Variants in GRXCR1 observed in about 807,000 individuals in gnomAD.
GRXCR1 encodes glutaredoxin domain-containing cysteine-rich protein 1.
In GRXCR1, 27 loss-of-function variants were observed where a neutral mutation model predicts 27.3. That is an observed-to-expected ratio of 0.99 (90% CI 0.73 to 1.37). The LOEUF is 1.37. GRXCR1 is among the 40% of genes most tolerant of loss of function. The pLI is 0.00. For missense variants in GRXCR1, 379 were observed against 354.4 expected (o/e 1.07, Z -0.56); for synonymous variants, 122 against 131.1 (o/e 0.93, Z 0.47).
rs1392856511 is a variant in GRXCR1 at position 42,951,930 on chromosome 4, T to C, written c.385-10962T>C. Among the ~76,000 whole-genome samples the C allele has an allele frequency of 2.6e-5, 4 of 152,320 alleles. No individual in the cohort carries two copies. The East Asian group carries it at 7.7e-4, about 29-fold the overall frequency. On this transcript the variant is annotated intron_variant, in intron 1 of 3. Transcript: ENST00000399770. Reference sequence around the variant, plus strand: ...TTGTCTTTGCAGTTAACGTCTAGGCTCATTCAGTAATTGATGTGGACAAAT... The same window carrying C: ...TTGTCTTTGCAGTTAACGTCTAGGCCCATTCAGTAATTGATGTGGACAAAT...
chr4:43,020,560 A>G (rs969936899), intron 3 of GRXCR1, 141 bp downstream of exon 3: 2 of 690,004 alleles, frequency 2.9e-6, no homozygotes, highest in African/African-American at 1.8e-5. Flanking sequence ...TTTTAATTTG[A>G]TATCTTCTGT....
intron 1 of GRXCR1, among the ~76,000 whole-genome samples, chr4:42,922,971 T>C (rs66498327): frequency 0.13 from 19,091 of 152,172 alleles, 1,452 homozygotes; most frequent in Non-Finnish European, 0.17. Context: ...TCTCCACTTC[T>C]GTTTTCCTTG....
At chr4:43,019,957 G>C (rs930122826) in intron 2 of GRXCR1, among the ~76,000 whole-genome samples, 1 of 152,170 alleles carries the variant, frequency 6.6e-6, no homozygotes, top group Non-Finnish European at 1.5e-5. Context: ...GCCATGTCTA[G>C]TACTGCTTGG....
intron 2 of GRXCR1, among the ~76,000 whole-genome samples, chr4:42,971,125 A>C (rs1417323753): frequency 6.6e-6 from 1 of 152,108 alleles, no homozygotes; most frequent in African/African-American, 2.4e-5. Flanking sequence ...TCCAGTTCCC[A>C]AAAAATTCCT....
At chr4:42,958,697 C>T (rs977093237) in intron 1 of GRXCR1, among the ~76,000 whole-genome samples, 1 of 151,864 alleles carries the variant, frequency 6.6e-6, no homozygotes, top group African/African-American at 2.4e-5. Context: ...TATTTAGGAA[C>T]ACAAATAACT....
At chr4:42,936,147 CTT>C (rs374911716) in intron 1 of GRXCR1, among the ~76,000 whole-genome samples, 5 of 151,790 alleles carry the variant, frequency 3.3e-5, no homozygotes, top group African/African-American at 7.3e-5. Context: ...TTTGGAGTGA[CTT>C]TGTTTCTTTG....
rs1217008804 is a variant in GRXCR1, at chr4:42,893,387, T to C, written c.121T>C (p.Ser41Pro). Residue 41 changes from serine to proline, a missense_variant, in exon 1 of 4, where the codon TCT (serine) becomes CCT (proline). Ser to Pro is a moderately conservative substitution (Grantham distance 74). Transcript: ENST00000399770. ...GTATGAAGATGGGCAACCGTCAGGC[T>C]CTCTGGATTCTGAATGTGCCAGTAT... ...EVYEDGQPSGSLDSECASICG... is the reference protein window; with the variant it reads ...EVYEDGQPSGPLDSECASICG... 1 of 1,613,718 alleles carries C rather than the reference T, an allele frequency of 6.2e-7. No individual in the cohort carries two copies. Among genetic ancestry groups the C allele is most frequent in the African/African-American group, 1.3e-5 (1 of 74,880 alleles).
intron 1 of GRXCR1, among the ~76,000 whole-genome samples, chr4:42,912,893 T>A (rs73240015): frequency 6.6e-6 from 1 of 151,874 alleles, no homozygotes; most frequent in African/African-American, 2.4e-5. Flanking sequence ...CAGTTTCCCC[T>A]CTAGTGTCTC....
At chr4:42,925,179 G>A (rs1055325506) in intron 1 of GRXCR1, among the ~76,000 whole-genome samples, 1 of 151,960 alleles carries the variant, frequency 6.6e-6, no homozygotes, top group African/African-American at 2.4e-5. Flanking sequence ...TGATTCTTGG[G>A]TGTAAAGGTT....
intron 2 of GRXCR1, among the ~76,000 whole-genome samples, chr4:43,014,337 C>T (rs974014365): frequency 1.3e-5 from 2 of 152,048 alleles, no homozygotes; most frequent in African/African-American, 4.8e-5. Flanking sequence ...TCAGGTGGCC[C>T]ATCTCCAAGC....
chr4:42,909,186 G>A lies in GRXCR1; in HGVS notation c.384+15536G>A, dbSNP rs537687022. ...AACCCTCATTCCTTAAGTTATTGCTGCAGGTGCATCTGCCATACAGGGTAA... is the reference window on the plus strand; with the variant it reads ...AACCCTCATTCCTTAAGTTATTGCTACAGGTGCATCTGCCATACAGGGTAA... On this transcript the variant is annotated intron_variant, in intron 1 of 3. Transcript: ENST00000399770. 7.9e-5 allele frequency among the ~76,000 whole-genome samples: 12 copies of A among 152,274 alleles called. No homozygotes were observed. In the South Asian group the frequency reaches 2.5e-3, roughly 32 times the overall value.
At chr4:42,984,134 C>G (rs1008952326) in intron 2 of GRXCR1, among the ~76,000 whole-genome samples, 2 of 152,186 alleles carry the variant, frequency 1.3e-5, no homozygotes, top group Non-Finnish European at 2.9e-5. Context: ...CCATGCCCAG[C>G]CCACAGATAC....
In GRXCR1 at chr4:42,922,244, T is replaced by A. The variant is rs891332319; in HGVS notation, c.384+28594T>A. ...GTTAGCATGGTGGCATGGGATACAC[T>A]GTCACTGCCCCTGCCTCCTGGTCTG... On this transcript the variant is annotated intron_variant, in intron 1 of 3. Coordinates refer to ENST00000399770, the MANE Select transcript of GRXCR1 (RefSeq NM_001080476.3). Among the ~76,000 whole-genome samples, 3 of 152,270 alleles carry A rather than the reference T, an allele frequency of 2.0e-5. No individual in the cohort carries two copies. The South Asian group carries it at 6.2e-4, about 32-fold the overall frequency.
intron 2 of GRXCR1, among the ~76,000 whole-genome samples, chr4:42,984,026 G>T (rs1353436857): frequency 1.3e-5 from 2 of 151,634 alleles, no homozygotes; most frequent in Non-Finnish European, 1.5e-5. Flanking sequence ...AGTAGAGATG[G>T]GTTTTTGCCA....
intron 1 of GRXCR1, among the ~76,000 whole-genome samples, chr4:42,901,256 A>G (rs1746454277): frequency 6.6e-6 from 1 of 152,224 alleles, no homozygotes; most frequent in Non-Finnish European, 1.5e-5. Flanking sequence ...GAAACAAATC[A>G]AATCACTACA....
chr4:42,984,937 G>A (rs899486995), intron 2 of GRXCR1, among the ~76,000 whole-genome samples: 1 of 152,152 alleles, frequency 6.6e-6, no homozygotes, highest in Non-Finnish European at 1.5e-5. Context: ...GCTGAGGGAG[G>A]CTACCTGATT....
intron 2 of GRXCR1, among the ~76,000 whole-genome samples, chr4:42,985,692 T>A (rs1033893677): frequency 6.6e-6 from 1 of 151,978 alleles, no homozygotes; most frequent in African/African-American, 2.4e-5. Flanking sequence ...TTTTTTAGAG[T>A]GCGATTAAAA....
intron 2 of GRXCR1, among the ~76,000 whole-genome samples, chr4:42,977,981 A>G (rs1748563483): frequency 1.3e-5 from 2 of 151,996 alleles, no homozygotes; most frequent in African/African-American, 4.8e-5. Context: ...ATTTTTGTAT[A>G]TGGTGTATGA....
At chr4:43,026,433 T>C (rs912518899) in intron 3 of GRXCR1, among the ~76,000 whole-genome samples, 5 of 147,028 alleles carry the variant, frequency 3.4e-5, no homozygotes, top group African/African-American at 1.4e-4. Flanking sequence ...TCCTGGGTGC[T>C]GAGGGGGCAC....
Sources: allele counts gnomAD v4.1 joint callset (sites outside exome capture counted in the v4.1 genomes callset), GRCh38; gene constraint gnomAD v4.1.1; transcripts MANE v1.5; gene names NCBI Gene and HGNC (gene_info 2026-07-23, HGNC 2026-07-21).